The following CRACD variants were observed in gnomAD, a reference collection of about 807,000 sequenced individuals.
CRACD encodes the protein capping protein-inhibiting regulator of actin dynamics.
A neutral mutation model predicts 106.8 loss-of-function variants in CRACD; 56 were observed. The observed-to-expected ratio is 0.52, with a 90% CI of 0.42 to 0.66. CRACD has a LOEUF of 0.66. Ranked by LOEUF, CRACD falls within the 30% of genes least tolerant of loss-of-function variation. The probability of loss-of-function intolerance (pLI) is 0.00; values close to 1 mark genes in which losing one functional copy is unlikely to be tolerated. For missense variants in CRACD, 1,730 were observed against 1,623.2 expected (o/e 1.07, Z -1.13); for synonymous variants, 754 against 670.8 (o/e 1.12, Z -1.92).
At chr4:56,298,906 C>T (rs368235454) in intron 4 of CRACD, among the ~76,000 whole-genome samples, 40 of 152,244 alleles carry the variant, frequency 2.6e-4, no homozygotes, top group Middle Eastern at 3.4e-3. Context: ...GCACTCCAGC[C>T]TGGGTGACAG....
chr4:56,229,942 C>T (rs910786892), intron 2 of CRACD, among the ~76,000 whole-genome samples: 1 of 152,152 alleles, frequency 6.6e-6, no homozygotes, highest in South Asian at 2.1e-4. Context: ...CAGGGTAAAA[C>T]TTTGAGCAAA....
intron 1 of CRACD, among the ~76,000 whole-genome samples, 196 bp downstream of exon 1, chr4:56,049,495 C>T (rs1359156350): frequency 2.0e-5 from 3 of 152,226 alleles, no homozygotes; most frequent in Non-Finnish European, 2.9e-5. Context: ...CGCGGACCCT[C>T]CCGGAGGAAC....
At chr4:56,059,409 G>A (rs530223786) in intron 1 of CRACD, among the ~76,000 whole-genome samples, 2 of 152,300 alleles carry the variant, frequency 1.3e-5, no homozygotes, top group African/African-American at 2.4e-5. Flanking sequence ...CTGGAAGTTC[G>A]AGGCTACAGT....
chr4:56,177,810 A>G (rs1736651152), intron 1 of CRACD, among the ~76,000 whole-genome samples: 1 of 152,142 alleles, frequency 6.6e-6, no homozygotes, highest in Admixed American at 6.5e-5. Flanking sequence ...ATTGTTCATA[A>G]TAGTCTCTAA....
Position 56,169,124 on chromosome 4 carries a change from GAACA to G in CRACD, c.-335-10153_-335-10150del, listed in dbSNP as rs144151277. 2.5e-4 allele frequency among the ~76,000 whole-genome samples: 38 copies of G among 152,294 alleles called. No individual in the cohort carries two copies. The East Asian group carries it at 6.4e-3, about 26-fold the overall frequency. On this transcript the variant is annotated intron_variant, in intron 1 of 10. Transcript: ENST00000682029. The stretch of plus-strand genomic sequence containing the variant: ...GTGGAAATCTGTTCCCACTGCCAGA[GAACA>G]AACAAATAGGGAGTAAGTTGTTTCT...
At chr4:56,306,810 G>C (rs1223306462) in intron 4 of CRACD, among the ~76,000 whole-genome samples, 1 of 152,078 alleles carries the variant, frequency 6.6e-6, no homozygotes, top group Non-Finnish European at 1.5e-5. Flanking sequence ...TCCCTCCCTG[G>C]CTTTTCCCCA....
chr4:56,266,070 G>GAAA (rs58121402), intron 2 of CRACD, among the ~76,000 whole-genome samples: 7 of 146,944 alleles, frequency 4.8e-5, no homozygotes, highest in Non-Finnish European at 6.0e-5. Flanking sequence ...TTTTTTAAAT[G>GAAA]AAAAAAAAAA....
At position 56,310,695 on chromosome 4, in the gene CRACD, T is replaced by G; in HGVS notation, c.315T>G (p.Pro105=). 6.2e-7 allele frequency: 1 copy of G among 1,612,008 alleles called. No homozygotes were observed. Among genetic ancestry groups the G allele is most frequent in the Non-Finnish European group, 8.5e-7 (1 of 1,178,138 alleles). ...KSSDTPSSLS[P]LNLPGAGSEM... ...GTGATACGCCAAGTTCTCTAAGTCC[T>G]CTGAATCTCCCTGGAGCTGGAAGTG... The change falls in exon 6 of 11, where the codon CCT becomes CCG. Residue 105 remains proline (P), a synonymous_variant. Transcript: ENST00000682029.
At chr4:56,220,180 G>A (rs1738953126) in intron 2 of CRACD, among the ~76,000 whole-genome samples, 1 of 152,218 alleles carries the variant, frequency 6.6e-6, no homozygotes, top group South Asian at 2.1e-4. Flanking sequence ...TACTGATCAA[G>A]TGTTTTTCTG....
At chr4:56,111,151 C>T (rs769166026) in intron 1 of CRACD, among the ~76,000 whole-genome samples, 3 of 151,884 alleles carry the variant, frequency 2.0e-5, no homozygotes, top group Admixed American at 6.6e-5. Flanking sequence ...AATATAGAAC[C>T]GTACAAAATG....
chr4:56,283,395 G>T (rs1054976044), intron 3 of CRACD, among the ~76,000 whole-genome samples: 1 of 152,144 alleles, frequency 6.6e-6, no homozygotes, highest in Non-Finnish European at 1.5e-5. Flanking sequence ...TCAAGTCAAG[G>T]TGACTCCCTG....
chr4:56,235,659 C>A (rs1427740007), intron 2 of CRACD, among the ~76,000 whole-genome samples: 1 of 152,200 alleles, frequency 6.6e-6, no homozygotes, highest in Non-Finnish European at 1.5e-5. Flanking sequence ...AGTGTGTTAA[C>A]TGCTCCCACA....
chr4:56,106,086 G>A (rs961998975), intron 1 of CRACD, among the ~76,000 whole-genome samples: 1 of 152,162 alleles, frequency 6.6e-6, no homozygotes, highest in Admixed American at 6.6e-5. Flanking sequence ...ACTTCCAGGC[G>A]CAGGTGAAAG....
chr4:56,234,249 C>T (rs1739822549), intron 2 of CRACD, among the ~76,000 whole-genome samples: 1 of 152,162 alleles, frequency 6.6e-6, no homozygotes, highest in Non-Finnish European at 1.5e-5. Context: ...AATCACTCCC[C>T]ATTCCTCCCC....
intron 1 of CRACD, among the ~76,000 whole-genome samples, chr4:56,085,080 T>C (rs1455569876): frequency 6.6e-6 from 1 of 152,114 alleles, no homozygotes; most frequent in African/African-American, 2.4e-5. Flanking sequence ...GGGTGGAGTA[T>C]GGGCGTTTGG....
At chr4:56,098,745 G>T (rs914757303) in intron 1 of CRACD, among the ~76,000 whole-genome samples, 5 of 152,140 alleles carry the variant, frequency 3.3e-5, no homozygotes, top group Admixed American at 6.5e-5. Flanking sequence ...AGGCTGGAGT[G>T]CACTGGCATG....
Position 56,123,745 on chromosome 4 carries a change from C to A in CRACD, c.-335-55539C>A, listed in dbSNP as rs181140766. Among the ~76,000 whole-genome samples the A allele has an allele frequency of 5.2e-5, 7 of 133,814 alleles. No homozygotes were observed. In the East Asian group the frequency reaches 1.2e-3, roughly 22 times the overall value. 87.8% of individuals were successfully genotyped at this position (133,814 alleles called of 152,430 possible). A position where few individuals can be genotyped will look rare whatever the true frequency, so the allele number is the denominator to read the frequency against. The stretch of plus-strand genomic sequence containing the variant: ...TCCATCTTCAGAGACCACAGTAGTA[C>A]CCCCCCTACACTGTCCATGGTGCTT... On this transcript the variant is annotated intron_variant, in intron 1 of 10. Transcript: ENST00000682029.
chr4:56,302,811 C>A (rs991610410), intron 4 of CRACD, among the ~76,000 whole-genome samples: 1 of 152,114 alleles, frequency 6.6e-6, no homozygotes, highest in African/African-American at 2.4e-5. Context: ...ATGGTGTGCT[C>A]GGCATTTCCA....
At position 56,128,731 on chromosome 4, in the gene CRACD, C is replaced by T. The variant is rs568999441; in HGVS notation, c.-335-50553C>T. On this transcript the variant is annotated intron_variant, in intron 1 of 10. Coordinates refer to ENST00000682029, the MANE Select transcript of CRACD (RefSeq NM_001393381.1). ...AACCTGGGTAAGATAGGGAGACCCC[C>T]CACCTCAGAAACCAACAAAAGGAAT... 2.6e-5 allele frequency among the ~76,000 whole-genome samples: 4 copies of T among 152,190 alleles called. No homozygotes were observed. The South Asian group carries it at 8.3e-4, about 32-fold the overall frequency.
Sources: allele counts gnomAD v4.1 joint callset (sites outside exome capture counted in the v4.1 genomes callset), GRCh38; gene constraint gnomAD v4.1.1; transcripts MANE v1.5; gene names NCBI Gene and HGNC (gene_info 2026-07-23, HGNC 2026-07-21).